The following ENOX1 variants were observed in gnomAD, a reference collection of about 807,000 sequenced individuals.
The protein encoded by ENOX1 is candidate growth-related and time keeping constitutive hydroquinone (NADH) oxidase.
ENOX1 carries 42 observed loss-of-function variants against 82.5 expected under a neutral mutation model. The observed-to-expected ratio is 0.51, with a 90% confidence interval of 0.40 to 0.66. The LOEUF (loss-of-function observed/expected upper bound fraction) is 0.66, where lower values mean the gene tolerates loss of function less well. Among genes scored for constraint, ENOX1 ranks in the 30% least tolerant of loss-of-function variants. ENOX1 has a pLI of 0.00. For synonymous variants in ENOX1, 271 were observed against 282.2 expected, an observed-to-expected ratio of 0.96 and a Z score of 0.40; for missense variants, 608 against 811.6, an observed-to-expected ratio of 0.75 and a Z score of 3.05.
intron 3 of ENOX1, among the ~76,000 whole-genome samples, chr13:43,437,131 CA>C (rs1328006237): frequency 4.6e-5 from 7 of 151,928 alleles, no homozygotes; most frequent in African/African-American, 1.7e-4. Context: ...AAAAGAAGAA[CA>C]AGGAAAAATA....
intron 2 of ENOX1, among the ~76,000 whole-genome samples, chr13:43,499,231 A>G (rs371984321): frequency 1.3e-5 from 2 of 152,108 alleles, no homozygotes; most frequent in Non-Finnish European, 2.9e-5. Context: ...TCTCTGTGGT[A>G]TCCTAGACTG....
intron 1 of ENOX1, among the ~76,000 whole-genome samples, chr13:43,677,840 G>C (rs9316051): frequency 0.088 from 13,380 of 152,066 alleles, 929 homozygotes; most frequent in African/African-American, 0.19. Context: ...CGATCCTGTG[G>C]TTTCTAGAAT....
chr13:43,587,895 A>T (rs1250157088), intron 2 of ENOX1, among the ~76,000 whole-genome samples: 1 of 152,194 alleles, frequency 6.6e-6, no homozygotes, highest in Non-Finnish European at 1.5e-5. Context: ...AACCATGTGG[A>T]AATAGTTTTA....
intron 2 of ENOX1, among the ~76,000 whole-genome samples, chr13:43,513,221 A>G (rs1401744350): frequency 6.6e-6 from 1 of 152,134 alleles, no homozygotes; most frequent in African/African-American, 2.4e-5. Flanking sequence ...AGGAAGTAGA[A>G]TGGCTCGAAC....
chr13:43,601,221 G>A (rs529473540), intron 2 of ENOX1, among the ~76,000 whole-genome samples: 362 of 152,090 alleles, frequency 2.4e-3, no homozygotes, highest in Non-Finnish European at 4.5e-3. Flanking sequence ...GGGAGAGAGA[G>A]CTATGTGACT....
intron 2 of ENOX1, among the ~76,000 whole-genome samples, chr13:43,633,204 T>G (rs2083286452): frequency 6.6e-6 from 1 of 152,342 alleles, no homozygotes; most frequent in East Asian, 1.9e-4. Flanking sequence ...ATAAATTATT[T>G]GCCATCAAAT....
In ENOX1 at chr13:43,711,510, T is replaced by C. The variant is rs1218657009; in HGVS notation, c.-284-43966A>G. ...GGAATCACCATACTGACTTCCACAA[T>C]GGTTGAACTAGTTTATAGTCCCACC... On this transcript the variant is annotated intron_variant, in intron 1 of 16. Coordinates refer to ENST00000690772, the MANE Select transcript of ENOX1 (RefSeq NM_001347969.2). 3.9e-5 allele frequency among the ~76,000 whole-genome samples: 6 copies of C among 152,324 alleles called. No individual in the cohort carries two copies. In the East Asian group the frequency reaches 1.2e-3, roughly 29 times the overall value.
At chr13:43,684,367 T>C (rs1055863370) in intron 1 of ENOX1, among the ~76,000 whole-genome samples, 2 of 152,184 alleles carry the variant, frequency 1.3e-5, no homozygotes, top group African/African-American at 4.8e-5. Context: ...CACTCAGCTA[T>C]ATTTGATGGG....
intron 14 of ENOX1, among the ~76,000 whole-genome samples, chr13:43,244,804 C>T (rs573431146): frequency 9.3e-4 from 142 of 152,284 alleles, no homozygotes; most frequent in Non-Finnish European, 1.9e-3. Flanking sequence ...CCACAAGGCT[C>T]GTTTTCCTTC....
chr13:43,582,057 A>T lies in ENOX1; in HGVS notation c.-219+85422T>A, dbSNP rs374015510. ...AAAATTTGAAAATCTATTATGCCAC[A>T]AATAAAACATCAATAAATTCCCCAA... On this transcript the variant is annotated intron_variant, in intron 2 of 16. Transcript: ENST00000690772. 4.7e-4 allele frequency among the ~76,000 whole-genome samples: 72 copies of T among 152,336 alleles called. 1 individual carries two copies. In the South Asian group the frequency reaches 0.015, roughly 31 times the overall value.
chr13:43,366,956 GA>G (rs2050888674), intron 5 of ENOX1, among the ~76,000 whole-genome samples: 1 of 152,032 alleles, frequency 6.6e-6, no homozygotes. Context: ...ATATTATATA[GA>G]ATATTTACAT....
At position 43,709,424 on chromosome 13, in the gene ENOX1, T is replaced by A. The variant is rs887806941; in HGVS notation, c.-284-41880A>T. Among the ~76,000 whole-genome samples the A allele has an allele frequency of 2.0e-5, 3 of 152,000 alleles. 1 individual carries two copies. The South Asian group carries it at 6.2e-4, about 32-fold the overall frequency. ...TTACAGAAGAAATCTTAAGAGAAATTATAATTTTAAGTACATTTTTAACGA... is the reference window on the plus strand; with the variant it reads ...TTACAGAAGAAATCTTAAGAGAAATAATAATTTTAAGTACATTTTTAACGA... On this transcript the variant is annotated intron_variant, in intron 1 of 16. Coordinates refer to ENST00000690772, the MANE Select transcript of ENOX1 (RefSeq NM_001347969.2).
intron 3 of ENOX1, among the ~76,000 whole-genome samples, chr13:43,462,019 C>T (rs908036979): frequency 3.3e-5 from 5 of 152,196 alleles, no homozygotes; most frequent in African/African-American, 7.2e-5. Context: ...AGCCAAGCCC[C>T]TTCCCTCTGG....
At chr13:43,754,650 T>C (rs1950551046) in intron 1 of ENOX1, among the ~76,000 whole-genome samples, 2 of 151,946 alleles carry the variant, frequency 1.3e-5, no homozygotes, top group Admixed American at 1.3e-4. Flanking sequence ...AGTGGCACAA[T>C]CATAGCCCAC....
At chr13:43,614,542 C>CTCTT (rs2082326239) in intron 2 of ENOX1, among the ~76,000 whole-genome samples, 2 of 129,832 alleles carry the variant, frequency 1.5e-5, no homozygotes, top group Non-Finnish European at 3.1e-5. Context: ...AAATAAAGGG[C>CTCTT]TTTTTTTTTT....
At chr13:43,214,868 G>T (rs1376757242) in intron 16 of ENOX1, among the ~76,000 whole-genome samples, 1 of 152,144 alleles carries the variant, frequency 6.6e-6, no homozygotes, top group Non-Finnish European at 1.5e-5. Context: ...ATACAGCAGG[G>T]CGGCCAATTT....
intron 1 of ENOX1, among the ~76,000 whole-genome samples, chr13:43,784,245 A>G (rs1952442510): frequency 6.6e-6 from 1 of 152,258 alleles, no homozygotes; most frequent in East Asian, 1.9e-4. Flanking sequence ...GTGATTATAT[A>G]CATTCTCCTA....
intron 8 of ENOX1, among the ~76,000 whole-genome samples, chr13:43,346,085 A>G (rs887107043): frequency 3.9e-5 from 6 of 152,242 alleles, no homozygotes; most frequent in African/African-American, 1.4e-4. Context: ...ACATCATACG[A>G]AACCTTCCCA....
rs10713584 is a variant in ENOX1, at chr13:43,587,072, GAA to G, written c.-219+80405_-219+80406del. Among the ~76,000 whole-genome samples, 431 of 133,126 alleles carry G rather than the reference GAA, an allele frequency of 3.2e-3. 1 individual carries two copies. Among genetic ancestry groups the G allele is most frequent in the African/African-American group, 6.9e-3 (248 of 36,178 alleles). 87.3% of individuals were successfully genotyped at this position (133,126 alleles called of 152,430 possible). A position where few individuals can be genotyped will look rare whatever the true frequency, so the allele number is the denominator to read the frequency against. On this transcript the variant is annotated intron_variant, in intron 2 of 16. Transcript: ENST00000690772. Reference sequence around the variant, plus strand: ...CTGGCGACAGAGCGAGACTATCTCAGAAAAAAAAAAAAAAAAGAAATAGTAAA... The same window carrying G: ...CTGGCGACAGAGCGAGACTATCTCAGAAAAAAAAAAAAAAGAAATAGTAAA...
Sources: gnomAD v4.1 joint callset for allele counts (sites outside exome capture counted in the v4.1 genomes callset) on GRCh38, gnomAD v4.1.1 for gene constraint, MANE v1.5 for transcripts, NCBI Gene and HGNC (gene_info 2026-07-23, HGNC 2026-07-21) for gene names.